The following FGFR3 variants were observed in gnomAD, a reference collection of about 807,000 sequenced individuals.
FGFR3 encodes the protein FGFR-3.
FGFR3 carries 25 observed loss-of-function variants against 82.9 expected under a neutral mutation model. The ratio of observed to expected loss-of-function variants is 0.30; its 90% CI spans 0.22 to 0.42. The LOEUF is 0.42. FGFR3 is among the 10% of genes least tolerant of loss of function. The pLI, the probability that FGFR3 is intolerant of heterozygous loss-of-function variation, is 1.00. For missense variants in FGFR3, 1,026 were observed against 1,161.0 expected (o/e 0.88, Z 1.69); for synonymous variants, 620 against 516.0 (o/e 1.20, Z -2.73).
intron 9 of FGFR3, 27 bp from the exon 10 acceptor site, chr4:1,804,797 C>T (rs1214104748): frequency 5.2e-6 from 8 of 1,549,022 alleles, no homozygotes; most frequent in Non-Finnish European, 6.1e-6. Context: ...CCACGCGGCG[C>T]CAACCTGCCC....
At chr4:1,797,580 C>T (rs888736093) in intron 2 of FGFR3, among the ~76,000 whole-genome samples, 2 of 152,238 alleles carry the variant, frequency 1.3e-5, no homozygotes, top group African/African-American at 2.4e-5. Flanking sequence ...TGCCCTTGGG[C>T]CAGGGCCTGC....
chr4:1,805,969 T>C (rs2108805496), intron 13 of FGFR3, 29 bp downstream of exon 13: 5 of 1,608,088 alleles, frequency 3.1e-6, no homozygotes, highest in Non-Finnish European at 4.3e-6. Flanking sequence ...GTGGGTGGAG[T>C]AGGCTGGGCC....
rs758920556 is a variant in FGFR3 at position 1,807,560 on chromosome 4, A to ATGTAAGT, written c.*299_*305dup. On this transcript the variant is annotated 3_prime_UTR_variant, in exon 18 of 18. Transcript: ENST00000440486. ...TTGTTCTGGGGGGACCCAGTGCAGAATGTAAGTGGGCCCACCCGGTGGGAC... is the reference window on the plus strand; with the variant it reads ...TTGTTCTGGGGGGACCCAGTGCAGAATGTAAGTTGTAAGTGGGCCCACCCGGTGGGAC... 2 of 705,042 alleles carry ATGTAAGT rather than the reference A, an allele frequency of 2.8e-6. No homozygotes were observed. The highest frequency in any genetic ancestry group is 5.3e-6 in the Non-Finnish European group (2 of 380,324). 43.7% of individuals were successfully genotyped at this position (705,042 alleles called of 1,614,324 possible).
chr4:1,803,736 C>T lies in FGFR3; in HGVS notation c.975C>T (p.Ser325=), dbSNP rs761511715. 10 of 1,614,082 alleles carry T rather than the reference C, an allele frequency of 6.2e-6. No homozygotes were observed. The Admixed American group carries it at 1.2e-4, about 19-fold the overall frequency. The change falls in exon 8 of 18, where the codon TCC becomes TCT. Residue 325 remains serine (S), a synonymous_variant. Transcript: ENST00000440486. The part of the protein sequence containing the change: ...NTTDKELEVL[S]LHNVTFEDAG... ...CCGACAAGGAGCTAGAGGTTCTCTC[C>T]TTGCACAACGTCACCTTTGAGGACG... is the stretch of plus-strand genomic sequence containing the variant.
Position 1,799,529 on chromosome 4 carries a change from C to T in FGFR3, c.379+6C>T. 6.4e-7 allele frequency: 1 copy of T among 1,552,584 alleles called. No homozygotes were observed. The highest frequency in any genetic ancestry group is 8.7e-7 in the Non-Finnish European group (1 of 1,148,972). On this transcript the variant is annotated splice_donor_region_variant and intron_variant, in intron 3 of 17. Coordinates refer to ENST00000440486, the MANE Select transcript of FGFR3 (RefSeq NM_000142.5). ...CTTCAGTGTGCGGGTGACAGGTGAGCTCTGGGGCCACGCCAGCTACAGAAA... is the reference window on the plus strand; with the variant it reads ...CTTCAGTGTGCGGGTGACAGGTGAGTTCTGGGGCCACGCCAGCTACAGAAA...
chr4:1,803,843 G>A lies in FGFR3; in HGVS notation c.1075+7G>A. 1 of 1,612,828 alleles carries A rather than the reference G, an allele frequency of 6.2e-7. No homozygotes were observed. The highest frequency in any genetic ancestry group is 8.5e-7 in the Non-Finnish European group (1 of 1,179,422). The stretch of plus-strand genomic sequence containing the variant: ...TGGCTGGTGGTGCTGCCAGGTACCG[G>A]CTTCTGCTGCTGCTGCTGCTCCGCA... On this transcript the variant is annotated splice_region_variant and intron_variant, in intron 8 of 17. Transcript: ENST00000440486.
rs17883683 is a variant in FGFR3 at position 1,801,605 on chromosome 4, C to T, written c.616-15C>T. The T allele has an allele frequency of 8.6e-4, 1,383 of 1,602,858 alleles. 13 individuals carry two copies. In the African/African-American group the frequency reaches 0.016, roughly 19 times the overall value. ...TGCTGCCTCCGCTCACTCACCCGCCCGCGTCCCGGTGCAGCTGCGGCATCA... is the reference window on the plus strand; with the variant it reads ...TGCTGCCTCCGCTCACTCACCCGCCTGCGTCCCGGTGCAGCTGCGGCATCA... On this transcript the variant is annotated splice_polypyrimidine_tract_variant and intron_variant, in intron 5 of 17. Transcript: ENST00000440486.
At position 1,808,521 on chromosome 4, in the gene FGFR3, A is replaced by G. The variant is rs1722245800; in HGVS notation, c.*1259A>G. Reference sequence around the variant, plus strand: ...CCTGTGTGCAGGTTCCGATGTTATTAGATGTTACAAGTTTATATATATCTA... The same window carrying G: ...CCTGTGTGCAGGTTCCGATGTTATTGGATGTTACAAGTTTATATATATCTA... On this transcript the variant is annotated 3_prime_UTR_variant, in exon 18 of 18. Transcript: ENST00000440486. 1 of 230,612 alleles carries G rather than the reference A, an allele frequency of 4.3e-6. No individual in the cohort carries two copies. The highest frequency in any genetic ancestry group is 2.2e-5 in the African/African-American group (1 of 45,060). 14.3% of individuals were successfully genotyped at this position (230,612 alleles called of 1,614,324 possible).
At chr4:1,802,095 T>A in intron 7 of FGFR3, 70 bp downstream of exon 7, 1 of 1,507,946 alleles carries the variant, frequency 6.6e-7, no homozygotes, top group Non-Finnish European at 9.0e-7. Flanking sequence ...GCCCCTTGGC[T>A]GCGGGTTGCG....
In FGFR3 at chr4:1,807,296, C is replaced by A. The variant is rs1185964783; in HGVS notation, c.*34C>A. 1 of 1,569,522 alleles carries A rather than the reference C, an allele frequency of 6.4e-7. No individual in the cohort carries two copies. The highest frequency in any genetic ancestry group is 8.6e-7 in the Non-Finnish European group (1 of 1,161,930). On this transcript the variant is annotated 3_prime_UTR_variant, in exon 18 of 18. Transcript: ENST00000440486. Reference sequence around the variant, plus strand: ...TGGTCCCCAACAATGTGAGGGGTCCCTAGCAGCCCACCCTGCTGCTGGTGC... The same window carrying A: ...TGGTCCCCAACAATGTGAGGGGTCCATAGCAGCCCACCCTGCTGCTGGTGC...
chr4:1,805,703 C>G, intron 12 of FGFR3, 34 bp downstream of exon 12: 1 of 1,611,084 alleles, frequency 6.2e-7, no homozygotes, highest in East Asian at 2.2e-5. Context: ...GCCGGCTGGG[C>G]GGCCCTCCTG....
At chr4:1,803,323 C>T (rs1387418069) in intron 7 of FGFR3, among the ~76,000 whole-genome samples, 2 of 152,086 alleles carry the variant, frequency 1.3e-5, no homozygotes, top group Admixed American at 1.3e-4. Context: ...GGCTCCGTGC[C>T]GTCTGTGAGC....
rs2301295 is a variant in FGFR3, at chr4:1,800,884, T to G, written c.446-483T>G. On this transcript the variant is annotated intron_variant, in intron 4 of 17. Coordinates refer to ENST00000440486, the MANE Select transcript of FGFR3 (RefSeq NM_000142.5). ...ACCGTCTCTGGGTGCCCGCCAGACT[T>G]GGAGCTCTGCAGAGGGTGGTGTAGG... Among the ~76,000 whole-genome samples, 38 of 152,262 alleles carry G rather than the reference T, an allele frequency of 2.5e-4. 1 individual carries two copies. In the East Asian group the frequency reaches 4.2e-3, roughly 17 times the overall value.
intron 2 of FGFR3, among the ~76,000 whole-genome samples, chr4:1,796,793 C>A (rs1720567086): frequency 6.6e-6 from 1 of 152,182 alleles, no homozygotes; most frequent in South Asian, 2.1e-4. Context: ...GAGCGCCTCT[C>A]ACCCCTACCC....
chr4:1,803,441 G>T (rs947449997), intron 7 of FGFR3, among the ~76,000 whole-genome samples: 1 of 152,222 alleles, frequency 6.6e-6, no homozygotes, highest in Non-Finnish European at 1.5e-5. Flanking sequence ...GCGCTAACCC[G>T]CATGCTGCCT....
At chr4:1,804,672 G>T in intron 9 of FGFR3, 152 bp downstream of exon 9, 1 of 1,405,982 alleles carries the variant, frequency 7.1e-7, no homozygotes, top group Non-Finnish European at 9.9e-7. Flanking sequence ...GTAGAGCCTA[G>T]GGTACTTTGG....
Position 1,805,921 on chromosome 4 carries a change from A to T in FGFR3, c.1817A>T (p.Glu606Val). The change falls in exon 13 of 18, where the codon GAG becomes GTG. Residue 606 changes from glutamate (E) to valine (V), a missense_variant. By Grantham distance (121) the Glu-to-Val change is moderately radical. Transcript: ENST00000440486. ...SCAYQVARGM[E>V]YLASQKCIHR... is the part of the protein sequence containing the mutation. ...GCCTACCAGGTGGCCCGGGGCATGG[A>T]GTACTTGGCCTCCCAGAAGGTGGGC... 1.1e-5 allele frequency: 18 copies of T among 1,610,140 alleles called. No homozygotes were observed. The highest frequency in any genetic ancestry group is 1.5e-5 in the Non-Finnish European group (18 of 1,177,672).
rs17883400 is a variant in FGFR3 at position 1,801,614 on chromosome 4, G to A, written c.616-6G>A. The A allele has an allele frequency of 2.4e-4, 390 of 1,607,594 alleles. No individual in the cohort carries two copies. Among genetic ancestry groups the A allele is most frequent in the Admixed American group, 5.4e-4 (32 of 59,416 alleles). ...CGCTCACTCACCCGCCCGCGTCCCG[G>A]TGCAGCTGCGGCATCAGCAGTGGAG... is the stretch of plus-strand genomic sequence containing the variant. On this transcript the variant is annotated splice_region_variant and splice_polypyrimidine_tract_variant and intron_variant, in intron 5 of 17. Transcript: ENST00000440486.
At position 1,807,991 on chromosome 4, in the gene FGFR3, G is replaced by C. The variant is rs1356944751; in HGVS notation, c.*729G>C. The stretch of plus-strand genomic sequence containing the variant: ...GGGCACAGGAGGCAGGCATGGCCCT[G>C]GGCGGGGCGTGGGGGGGCGTGGAGG... On this transcript the variant is annotated 3_prime_UTR_variant, in exon 18 of 18. Coordinates refer to ENST00000440486, the MANE Select transcript of FGFR3 (RefSeq NM_000142.5). The C allele has an allele frequency of 4.1e-6, 1 of 246,508 alleles. No homozygotes were observed. The highest frequency in any genetic ancestry group is 7.9e-6 in the Non-Finnish European group (1 of 126,198). The allele number at this position is 246,508 out of a possible 1,614,324, so 15.3% of individuals were successfully genotyped here. A position where few individuals can be genotyped will look rare whatever the true frequency, so the allele number is the denominator to read the frequency against.
Sources: gnomAD v4.1 joint callset for allele counts (sites outside exome capture counted in the v4.1 genomes callset) on GRCh38, gnomAD v4.1.1 for gene constraint, MANE v1.5 for transcripts, NCBI Gene and HGNC (gene_info 2026-07-23, HGNC 2026-07-21) for gene names.